Variants in DEPDC1B observed in about 807,000 individuals in gnomAD.
The protein encoded by DEPDC1B is DEP domain containing 1B.
DEPDC1B carries 51 observed loss-of-function variants against 66.5 expected under a neutral mutation model. That is an observed-to-expected ratio of 0.77 (90% confidence interval 0.61 to 0.97). The LOEUF (loss-of-function observed/expected upper bound fraction) is 0.97. Ranked by LOEUF, DEPDC1B falls within the 50% of genes least tolerant of loss-of-function variation. DEPDC1B has a pLI of 0.00. For missense variants in DEPDC1B, 552 were observed against 637.1 expected (o/e 0.87, Z 1.44); for synonymous variants, 226 against 223.6 (o/e 1.01, Z -0.10).
In DEPDC1B at chr5:60,667,708, T is replaced by TAA. The variant is rs1253279153; in HGVS notation, c.314+19252_314+19253dup. 1.7e-3 allele frequency among the ~76,000 whole-genome samples: 180 copies of TAA among 104,176 alleles called. 5 individuals carry two copies. The highest frequency in any genetic ancestry group is 0.013 in the Middle Eastern group (1 of 76). The allele number at this position is 104,176 out of a possible 152,430, so 68.3% of individuals were successfully genotyped here. A position where few individuals can be genotyped will look rare whatever the true frequency, so the allele number is the denominator to read the frequency against. On this transcript the variant is annotated intron_variant, in intron 2 of 10. Transcript: ENST00000265036. ...ATATAATGGATATTTTACATGTATA[T>TAA]AAAATGGATATTTTACATATATATA... is the stretch of plus-strand genomic sequence containing the variant.
chr5:60,650,060 C>T (rs957064647), intron 2 of DEPDC1B, among the ~76,000 whole-genome samples: 2 of 151,866 alleles, frequency 1.3e-5, no homozygotes, highest in African/African-American at 4.8e-5. Context: ...ACATCATAAA[C>T]TTATTCCAAA....
chr5:60,598,953 ATATACT>A, intron 10 of DEPDC1B, 116 bp downstream of exon 10: 1 of 793,574 alleles, frequency 1.3e-6, no homozygotes. Flanking sequence ...GTATGAACTA[ATATACT>A]TAGAAAACTG....
chr5:60,633,159 G>A (rs1223454116), intron 7 of DEPDC1B, among the ~76,000 whole-genome samples: 2 of 152,192 alleles, frequency 1.3e-5, no homozygotes, highest in South Asian at 2.1e-4. Context: ...CACAGTGAGT[G>A]CAGAAGCCAG....
At chr5:60,653,446 T>C (rs1483904974) in intron 2 of DEPDC1B, among the ~76,000 whole-genome samples, 1 of 152,120 alleles carries the variant, frequency 6.6e-6, no homozygotes, top group Non-Finnish European at 1.5e-5. Flanking sequence ...TTTGAAAGGA[T>C]TGTTTGTTGT....
chr5:60,677,553 A>G, intron 2 of DEPDC1B, among the ~76,000 whole-genome samples: 1 of 151,206 alleles, frequency 6.6e-6, no homozygotes, highest in East Asian at 1.9e-4. Context: ...TCTTTTTTTT[A>G]TGAGACAAGG....
At position 60,661,805 on chromosome 5, in the gene DEPDC1B, A is replaced by G. The variant is rs1753722206; in HGVS notation, c.315-14272T>C. ...AAAGAACAATTCCCCACCAGCCAGC[A>G]GGCAGTTCCCAGTGTAGACCCTCAT... On this transcript the variant is annotated intron_variant, in intron 2 of 10. Transcript: ENST00000265036. Among the ~76,000 whole-genome samples the G allele has an allele frequency of 2.0e-5, 3 of 152,218 alleles. No homozygotes were observed. The South Asian group carries it at 6.2e-4, about 32-fold the overall frequency.
At chr5:60,660,355 A>G (rs1753685837) in intron 2 of DEPDC1B, among the ~76,000 whole-genome samples, 1 of 152,124 alleles carries the variant, frequency 6.6e-6, no homozygotes, top group Non-Finnish European at 1.5e-5. Flanking sequence ...AAGAAGTAGT[A>G]AAGAAAAAAG....
intron 2 of DEPDC1B, among the ~76,000 whole-genome samples, chr5:60,684,509 T>G (rs755264334): frequency 6.6e-6 from 1 of 152,186 alleles, no homozygotes; most frequent in African/African-American, 2.4e-5. Flanking sequence ...GGATATCCTT[T>G]TCAATAAGCT....
At chr5:60,605,917 G>A in intron 7 of DEPDC1B, 61 bp from the exon 8 acceptor site, 1 of 1,404,176 alleles carries the variant, frequency 7.1e-7, no homozygotes, top group Non-Finnish European at 9.5e-7. Flanking sequence ...ATTCTATATG[G>A]TTGTATTTTA....
chr5:60,699,959 G>C, intron 1 of DEPDC1B, 87 bp downstream of exon 1: 2 of 1,488,788 alleles, frequency 1.3e-6, no homozygotes, highest in Non-Finnish European at 1.8e-6. Context: ...GCCTGCGGAA[G>C]CGAAGACTGA....
intron 3 of DEPDC1B, 83 bp from the exon 4 acceptor site, chr5:60,645,702 G>C: frequency 7.3e-7 from 1 of 1,364,748 alleles, no homozygotes; most frequent in Non-Finnish European, 9.8e-7. Context: ...AAGGTGGTGG[G>C]ATTTTTATGA....
At chr5:60,616,995 A>G (rs918140371) in intron 7 of DEPDC1B, among the ~76,000 whole-genome samples, 13 of 152,076 alleles carry the variant, frequency 8.5e-5, no homozygotes, top group Non-Finnish European at 1.8e-4. Context: ...ACATTCCTGA[A>G]GGAAAGAATT....
intron 2 of DEPDC1B, among the ~76,000 whole-genome samples, chr5:60,682,964 CA>C (rs1754330931): frequency 6.6e-6 from 1 of 151,954 alleles, no homozygotes; most frequent in African/African-American, 2.4e-5. Flanking sequence ...ACCCTGATAC[CA>C]AAACCAGACA....
At chr5:60,646,075 C>T (rs761607239) in intron 3 of DEPDC1B, among the ~76,000 whole-genome samples, 2 of 152,134 alleles carry the variant, frequency 1.3e-5, no homozygotes, top group Non-Finnish European at 2.9e-5. Context: ...CAAGTAAGTG[C>T]AATGTTCGAA....
In DEPDC1B at chr5:60,597,715, A is replaced by T. The variant is rs749735121; in HGVS notation, c.*38T>A. Reference sequence around the variant, plus strand: ...CTAACCACCATTCACTCAAAACAACAACAGTGGTCTCTAGCACCTGTTGCT... The same window carrying T: ...CTAACCACCATTCACTCAAAACAACTACAGTGGTCTCTAGCACCTGTTGCT... On this transcript the variant is annotated 3_prime_UTR_variant, in exon 11 of 11. Coordinates refer to ENST00000265036, the MANE Select transcript of DEPDC1B (RefSeq NM_018369.3). 1.3e-6 allele frequency: 2 copies of T among 1,588,652 alleles called. No individual in the cohort carries two copies. Among genetic ancestry groups the T allele is most frequent in the Non-Finnish European group, 1.7e-6 (2 of 1,172,578 alleles).
chr5:60,604,734 G>C (rs573148219), intron 8 of DEPDC1B, among the ~76,000 whole-genome samples: 1 of 152,060 alleles, frequency 6.6e-6, no homozygotes, highest in Non-Finnish European at 1.5e-5. Context: ...TTTGCCTGGA[G>C]ACCATGGACC....
At chr5:60,620,109 C>G (rs1193006046) in intron 7 of DEPDC1B, among the ~76,000 whole-genome samples, 1 of 152,182 alleles carries the variant, frequency 6.6e-6, no homozygotes, top group Non-Finnish European at 1.5e-5. Flanking sequence ...GAAACTAGAT[C>G]CCTTCCTTAC....
intron 2 of DEPDC1B, among the ~76,000 whole-genome samples, chr5:60,663,821 T>G (rs1753775354): frequency 6.6e-6 from 1 of 152,226 alleles, no homozygotes; most frequent in African/African-American, 2.4e-5. Flanking sequence ...CTACAAGGTT[T>G]CCAAACCAAA....
intron 10 of DEPDC1B, 142 bp from the exon 11 acceptor site, chr5:60,598,056 T>C (rs1233073939): frequency 1.5e-6 from 1 of 687,334 alleles, no homozygotes. Flanking sequence ...CCAATTTCTA[T>C]AGAGCTAATC....
Sources: allele counts gnomAD v4.1 joint callset (sites outside exome capture counted in the v4.1 genomes callset), GRCh38; gene constraint gnomAD v4.1.1; transcripts MANE v1.5; gene names NCBI Gene and HGNC (gene_info 2026-07-23, HGNC 2026-07-21).